The following RNGTT variants were observed in gnomAD, a reference collection of about 807,000 sequenced individuals.
RNGTT encodes the protein RNA guanylyltransferase and 5'-phosphatase, also known as mRNA-capping enzyme.
A neutral mutation model predicts 79.3 loss-of-function variants in RNGTT; 33 were observed. That is an observed-to-expected ratio of 0.42 (90% confidence interval 0.32 to 0.56). RNGTT has a LOEUF of 0.56. Ranked by LOEUF, RNGTT falls within the 20% of genes least tolerant of loss-of-function variation. RNGTT has a pLI of 0.17. For missense variants in RNGTT, 497 were observed against 739.1 expected (o/e 0.67, Z 3.80); for synonymous variants, 222 against 235.9 (o/e 0.94, Z 0.54).
At chr6:88,941,667 T>A (rs1187710337) in intron 1 of RNGTT, among the ~76,000 whole-genome samples, 2 of 140,342 alleles carry the variant, frequency 1.4e-5, no homozygotes, top group Non-Finnish European at 1.5e-5. Context: ...CCCTACATCT[T>A]TTTTTTTTTT....
chr6:88,622,116 G>A (rs762434472), intron 14 of RNGTT, among the ~76,000 whole-genome samples: 13 of 152,160 alleles, frequency 8.5e-5, no homozygotes, highest in Non-Finnish European at 1.3e-4. Context: ...AGTGTTGCCC[G>A]ATTCTAGAAT....
At chr6:88,923,406 CA>C (rs1227872839) in intron 4 of RNGTT, among the ~76,000 whole-genome samples, 2 of 152,164 alleles carry the variant, frequency 1.3e-5, no homozygotes, top group Non-Finnish European at 2.9e-5. Flanking sequence ...GAAATACCAC[CA>C]TGTTCTCTCT....
At chr6:88,829,536 A>C (rs1322676614) in intron 11 of RNGTT, among the ~76,000 whole-genome samples, 1 of 152,124 alleles carries the variant, frequency 6.6e-6, no homozygotes, top group African/African-American at 2.4e-5. Flanking sequence ...TATTAACCTT[A>C]AATGTAAATG....
At chr6:88,662,817 C>T (rs923397616) in intron 14 of RNGTT, among the ~76,000 whole-genome samples, 4 of 152,152 alleles carry the variant, frequency 2.6e-5, no homozygotes, top group East Asian at 1.9e-4. Context: ...GGTTGAACAC[C>T]GGGAAGGAAT....
intron 1 of RNGTT, among the ~76,000 whole-genome samples, chr6:88,947,203 G>A (rs1269790714): frequency 1.3e-4 from 6 of 46,740 alleles, no homozygotes; most frequent in African/African-American, 4.3e-4. Context: ...AGTGAGGAGC[G>A]CCTCTTCCCA....
chr6:88,703,933 T>A (rs533845219), intron 13 of RNGTT, among the ~76,000 whole-genome samples: 1 of 152,182 alleles, frequency 6.6e-6, no homozygotes, highest in East Asian at 1.9e-4. Flanking sequence ...TAGGCAAACT[T>A]GCATAGAGGC....
chr6:88,801,859 A>G (rs1232001025), intron 11 of RNGTT, among the ~76,000 whole-genome samples: 1 of 151,096 alleles, frequency 6.6e-6, no homozygotes, highest in Non-Finnish European at 1.5e-5. Flanking sequence ...ACACACACAC[A>G]AATTTCCATT....
At chr6:88,895,403 T>C (rs972036189) in intron 6 of RNGTT, among the ~76,000 whole-genome samples, 2 of 152,158 alleles carry the variant, frequency 1.3e-5, no homozygotes, top group South Asian at 4.1e-4. Flanking sequence ...CTGTAAGTCA[T>C]ACTCTTCCAA....
At chr6:88,953,583 G>A (rs1328985268) in intron 1 of RNGTT, among the ~76,000 whole-genome samples, 1 of 152,156 alleles carries the variant, frequency 6.6e-6, no homozygotes, top group Non-Finnish European at 1.5e-5. Flanking sequence ...CCCTGGCCTT[G>A]CTAGAGATCT....
rs542453586 is a variant in RNGTT at position 88,783,192 on chromosome 6, A to G, written c.1339-13318T>C. Among the ~76,000 whole-genome samples, 23 of 152,310 alleles carry G rather than the reference A, an allele frequency of 1.5e-4. No individual in the cohort carries two copies. In the South Asian group the frequency reaches 4.8e-3, roughly 32 times the overall value. ...GTTAAAGAAAACGTGGTGTACATAT[A>G]ACAGAATATTATTCAGCCTTACCCC... On this transcript the variant is annotated intron_variant, in intron 12 of 15. Coordinates refer to ENST00000369485, the MANE Select transcript of RNGTT (RefSeq NM_003800.5).
At chr6:88,957,267 T>G (rs1423659379) in intron 1 of RNGTT, among the ~76,000 whole-genome samples, 1 of 152,122 alleles carries the variant, frequency 6.6e-6, no homozygotes, top group East Asian at 1.9e-4. Context: ...AACACTATAC[T>G]GAATGGGGAA....
At chr6:88,763,848 A>G (rs937972685) in intron 13 of RNGTT, among the ~76,000 whole-genome samples, 46 of 152,334 alleles carry the variant, frequency 3.0e-4, no homozygotes, top group African/African-American at 1.0e-3. Context: ...CGTTACAAAG[A>G]TTAACAATCA....
chr6:88,930,164 A>T (rs573432343), intron 2 of RNGTT, among the ~76,000 whole-genome samples: 2 of 148,276 alleles, frequency 1.3e-5, no homozygotes, highest in East Asian at 2.0e-4. Flanking sequence ...ATACATATAT[A>T]CATATACATA....
At chr6:88,810,529 T>TAA (rs1344886818) in intron 11 of RNGTT, among the ~76,000 whole-genome samples, 2 of 152,018 alleles carry the variant, frequency 1.3e-5, no homozygotes, top group African/African-American at 4.8e-5. Flanking sequence ...TCAGGCACAG[T>TAA]CTCCATGAAA....
chr6:88,817,525 G>T (rs1029591514), intron 11 of RNGTT, among the ~76,000 whole-genome samples: 1 of 146,710 alleles, frequency 6.8e-6, no homozygotes, highest in Non-Finnish European at 1.5e-5. Context: ...AGTGGGGGGA[G>T]GTGTAGATAT....
chr6:88,627,375 T>C (rs1772673201), intron 14 of RNGTT, among the ~76,000 whole-genome samples: 1 of 152,152 alleles, frequency 6.6e-6, no homozygotes, highest in South Asian at 2.1e-4. Flanking sequence ...AGTCCTTACA[T>C]TTACTTTCAA....
chr6:88,627,242 TAA>T (rs1414104904), intron 14 of RNGTT, among the ~76,000 whole-genome samples: 8 of 152,266 alleles, frequency 5.3e-5, no homozygotes, highest in Non-Finnish European at 1.0e-4. Context: ...AACAAATAAC[TAA>T]GTTTATTTTA....
At chr6:88,824,748 C>CTTTTTTTTTT (rs59203172) in intron 11 of RNGTT, among the ~76,000 whole-genome samples, 8 of 135,878 alleles carry the variant, frequency 5.9e-5, no homozygotes, top group Non-Finnish European at 1.1e-4. Context: ...CGTTTGTTTT[C>CTTTTTTTTTT]TTTTTTTTTT....
intron 14 of RNGTT, among the ~76,000 whole-genome samples, chr6:88,632,761 T>A: frequency 6.6e-6 from 1 of 152,190 alleles, no homozygotes; most frequent in East Asian, 1.9e-4. Flanking sequence ...AATGGATTGA[T>A]TTCAAGCAAC....
Sources: allele counts gnomAD v4.1 joint callset (sites outside exome capture counted in the v4.1 genomes callset), GRCh38; gene constraint gnomAD v4.1.1; transcripts MANE v1.5; gene names NCBI Gene and HGNC (gene_info 2026-07-23, HGNC 2026-07-21).